The following PRPF38B variants were observed in gnomAD, a reference collection of about 807,000 sequenced individuals.
PRPF38B encodes pre-mRNA-splicing factor 38B.
In PRPF38B, 18 loss-of-function variants were observed where a neutral mutation model predicts 67.2. The observed-to-expected ratio is 0.27, with a 90% CI of 0.19 to 0.40. The LOEUF (loss-of-function observed/expected upper bound fraction) is 0.40, where lower values mean the gene tolerates loss of function less well. Ranked by LOEUF, PRPF38B falls within the 10% of genes least tolerant of loss-of-function variation. PRPF38B has a pLI of 1.00. For missense variants in PRPF38B, 544 were observed against 684.9 expected, an observed-to-expected ratio of 0.79 and a Z score of 2.30; for synonymous variants, 246 against 234.2, an observed-to-expected ratio of 1.05 and a Z score of -0.46.
At chr1:108,692,980 TC>T in intron 1 of PRPF38B, 113 bp downstream of exon 1, 1 of 1,353,476 alleles carries the variant, frequency 7.4e-7, no homozygotes, top group South Asian at 1.4e-5. Context: ...GGAAGGTGGT[TC>T]GGCGGAGGGG....
rs1056421032 is a variant in PRPF38B, at chr1:108,702,512, A to G, written c.*2492A>G. Among the ~76,000 whole-genome samples the G allele has an allele frequency of 1.6e-4, 24 of 152,186 alleles. No homozygotes were observed. Among genetic ancestry groups the G allele is most frequent in the African/African-American group, 5.8e-4 (24 of 41,436 alleles). ...AATTGTGCTAGTTATTGCTATATATATGCATGATTTATTTGGAGAGTGGCT... is the reference window on the plus strand; with the variant it reads ...AATTGTGCTAGTTATTGCTATATATGTGCATGATTTATTTGGAGAGTGGCT... On this transcript the variant is annotated 3_prime_UTR_variant, in exon 6 of 6. Transcript: ENST00000370025.
rs895446868 is a variant in PRPF38B at position 108,702,725 on chromosome 1, A to G, written c.*2705A>G. Among the ~76,000 whole-genome samples the G allele has an allele frequency of 1.3e-5, 2 of 152,154 alleles. No individual in the cohort carries two copies. Among genetic ancestry groups the G allele is most frequent in the Non-Finnish European group, 2.9e-5 (2 of 68,034 alleles). On this transcript the variant is annotated 3_prime_UTR_variant, in exon 6 of 6. Coordinates refer to ENST00000370025, the MANE Select transcript of PRPF38B (RefSeq NM_018061.4). ...TGGGTGCAGCTCACCACCAAGGTAC[A>G]TGTATATCTAGGTAACAAACCGGCA...
chr1:108,699,414 G>A lies in PRPF38B; in HGVS notation c.1035G>A (p.Arg345=), dbSNP rs1473364491. 1.9e-6 allele frequency: 3 copies of A among 1,614,108 alleles called. No individual in the cohort carries two copies. In the South Asian group the frequency reaches 3.3e-5, roughly 18 times the overall value. ...RHRSRSRSRD[R]KGDRRDRDRE... is the part of the protein sequence containing the mutation. The stretch of plus-strand genomic sequence containing the variant: ...GAAGTCGCAGTCGAAGTCGTGATAG[G>A]AAAGGGGATAGAAGGGACAGGGATC... The change falls in exon 6 of 6, where the codon AGG becomes AGA. Residue 345 remains arginine, a synonymous_variant. Coordinates refer to ENST00000370025, the MANE Select transcript of PRPF38B (RefSeq NM_018061.4).
intron 2 of PRPF38B, 43 bp downstream of exon 2, chr1:108,695,813 T>C (rs1317903294): frequency 2.5e-6 from 4 of 1,587,464 alleles, no homozygotes; most frequent in East Asian, 2.2e-5. Context: ...CTGTGTCTAA[T>C]AACTAAGTTT....
intron 1 of PRPF38B, among the ~76,000 whole-genome samples, chr1:108,695,462 G>A (rs898047509): frequency 5.3e-5 from 8 of 152,148 alleles, no homozygotes; most frequent in African/African-American, 1.9e-4. Flanking sequence ...AGTTGAGTGG[G>A]ATTTCTCCTC....
chr1:108,699,114 C>T (rs777971645), intron 5 of PRPF38B, 48 bp from the exon 6 acceptor site: 3 of 1,539,990 alleles, frequency 1.9e-6, no homozygotes, highest in East Asian at 2.3e-5. Context: ...AAAAGAATTG[C>T]ATATGTTTTA....
chr1:108,700,298 T>G lies in PRPF38B; in HGVS notation c.*278T>G. The G allele has an allele frequency of 3.0e-6, 1 of 329,826 alleles. No homozygotes were observed. 20.4% of individuals were successfully genotyped at this position (329,826 alleles called of 1,614,324 possible). ...AGTCTGTACATATGTCCTGAAAATG[T>G]TTTAATTCCTTTGGCATGGTTGCCA... On this transcript the variant is annotated 3_prime_UTR_variant, in exon 6 of 6. Transcript: ENST00000370025.
chr1:108,696,934 C>T (rs150102947), intron 4 of PRPF38B: 6 of 548,176 alleles, frequency 1.1e-5, no homozygotes, highest in South Asian at 2.5e-5. Context: ...AATTGTAATT[C>T]GAGTCTCCCT....
At chr1:108,698,508 G>T (rs1570691766) in intron 4 of PRPF38B, 96 bp from the exon 5 acceptor site, 1 of 896,010 alleles carries the variant, frequency 1.1e-6, no homozygotes, top group African/African-American at 1.7e-5. Context: ...AGTTTTTTTT[G>T]TATTGAGATT....
Position 108,702,236 on chromosome 1 carries a change from C to T in PRPF38B, c.*2216C>T, listed in dbSNP as rs115444890. ...CACTTCCCTGGCTCAAGTGATCCTC[C>T]GAACTTGGCCTCCTAAGTAGCTGGG... On this transcript the variant is annotated 3_prime_UTR_variant, in exon 6 of 6. Coordinates refer to ENST00000370025, the MANE Select transcript of PRPF38B (RefSeq NM_018061.4). Among the ~76,000 whole-genome samples, 968 of 152,260 alleles carry T rather than the reference C, an allele frequency of 6.4e-3. 10 individuals carry two copies. The highest frequency in any genetic ancestry group is 0.022 in the African/African-American group (914 of 41,560).
At chr1:108,693,607 A>T (rs1205785361) in intron 1 of PRPF38B, 2 of 985,130 alleles carry the variant, frequency 2.0e-6, no homozygotes, top group Admixed American at 1.2e-4. Context: ...TCAGTCTTGC[A>T]GCGAGGCTCG....
intron 4 of PRPF38B, chr1:108,698,395 T>C (rs553340991): frequency 1.9e-5 from 9 of 472,026 alleles, no homozygotes; most frequent in African/African-American, 1.6e-4. Context: ...CCTTTATGCC[T>C]GTGAGGCTGC....
At chr1:108,693,141 G>A (rs1659498101) in intron 1 of PRPF38B, among the ~76,000 whole-genome samples, 1 of 152,248 alleles carries the variant, frequency 6.6e-6, no homozygotes, top group African/African-American at 2.4e-5. Context: ...TTGGGCAAGA[G>A]GGATGGGGGA....
At position 108,700,949 on chromosome 1, in the gene PRPF38B, A is replaced by C. The variant is rs1304370230; in HGVS notation, c.*929A>C. The stretch of plus-strand genomic sequence containing the variant: ...CATTTTTATAAATGGAAAATCCTTA[A>C]ATTATGAAACAGCTTGATATAGTGT... On this transcript the variant is annotated 3_prime_UTR_variant, in exon 6 of 6. Transcript: ENST00000370025. The C allele has an allele frequency of 1.3e-5, 2 of 152,438 alleles. No homozygotes were observed. The highest frequency in any genetic ancestry group is 2.9e-5 in the Non-Finnish European group (2 of 68,026). 9.4% of individuals were successfully genotyped at this position (152,438 alleles called of 1,614,324 possible).
Position 108,699,512 on chromosome 1 carries a change from G to A in PRPF38B, c.1133G>A (p.Arg378Gln), listed in dbSNP as rs755071681. 18 of 1,566,712 alleles carry A rather than the reference G, an allele frequency of 1.1e-5. No homozygotes were observed. The highest frequency in any genetic ancestry group is 6.8e-5 in the African/African-American group (5 of 73,346). Residue 378 changes from arginine to glutamine, a missense_variant, in exon 6 of 6, where the codon CGA (arginine) becomes CAA (glutamine). By Grantham distance (43) the Arg-to-Gln change is conservative. Coordinates refer to ENST00000370025, the MANE Select transcript of PRPF38B (RefSeq NM_018061.4). ...TATGATAAGGAAAGAGGAAATGAAC[G>A]AGAAAAAGAGAGAGAGCGATCAAGA... The part of the protein sequence containing the change: ...RDYDKERGNE[R>Q]EKERERSRER...
chr1:108,696,893 C>A (rs1570685346), intron 4 of PRPF38B: 4 of 550,372 alleles, frequency 7.3e-6, no homozygotes, highest in South Asian at 4.8e-5. Flanking sequence ...TCCTAGTACA[C>A]CACACACACC....
At chr1:108,695,678 T>TGTG (rs1176588165) in intron 1 of PRPF38B, 24 bp from the exon 2 acceptor site, 1 of 1,611,774 alleles carries the variant, frequency 6.2e-7, no homozygotes, top group Admixed American at 1.7e-5. Flanking sequence ...GAATGTTTGT[T>TGTG]GTGTTCCTCT....
At chr1:108,696,663 C>T (rs1659887859) in intron 4 of PRPF38B, 8 of 708,278 alleles carry the variant, frequency 1.1e-5, no homozygotes, top group Admixed American at 2.0e-5. Context: ...ATGGGGCATG[C>T]TCAAGATCGA....
rs1175304022 is a variant in PRPF38B, at chr1:108,698,652, A to G, written c.607A>G (p.Met203Val). The G allele has an allele frequency of 8.7e-6, 14 of 1,613,970 alleles. No homozygotes were observed. The highest frequency in any genetic ancestry group is 1.2e-5 in the Non-Finnish European group (14 of 1,179,988). The change falls in exon 5 of 6, where the codon ATG becomes GTG. Residue 203 changes from methionine (M) to valine (V), a missense_variant. Transcript: ENST00000370025. The stretch of plus-strand genomic sequence containing the variant: ...AGGCTGTGTAATGACCATTGGAGAA[A>G]TGCTACGATCTTTTCTCACAAAACT... Reference protein sequence around the residue: ...GGGCVMTIGEMLRSFLTKLEW... With the variant: ...GGGCVMTIGEVLRSFLTKLEW...
Sources: allele counts gnomAD v4.1 joint callset (sites outside exome capture counted in the v4.1 genomes callset), GRCh38; gene constraint gnomAD v4.1.1; transcripts MANE v1.5; gene names NCBI Gene and HGNC (gene_info 2026-07-23, HGNC 2026-07-21).